Variants in SH3KBP1 observed in about 807,000 individuals in gnomAD.
SH3KBP1 encodes SH3 domain-containing kinase-binding protein 1.
Under a neutral mutation model 50.1 loss-of-function variants are expected in SH3KBP1, and 8 were observed. The ratio of observed to expected loss-of-function variants is 0.16; its 90% CI spans 0.09 to 0.29. SH3KBP1 has a LOEUF of 0.29. SH3KBP1 is among the 10% of genes least tolerant of loss of function. SH3KBP1 has a pLI of 1.00. For synonymous variants in SH3KBP1, 227 were observed against 218.6 expected (o/e 1.04, Z -0.34); for missense variants, 377 against 535.2 (o/e 0.70, Z 2.92).
At chrX:19,566,285 G>A (rs1231383381) in intron 13 of SH3KBP1, among the ~76,000 whole-genome samples, 1 of 108,056 alleles carries the variant, frequency 9.3e-6, no homozygotes, top group Non-Finnish European at 1.9e-5. Flanking sequence ...AGCATGAAAA[G>A]CTTCTATAGG....
chrX:19,776,536 T>C (rs1234245242), intron 2 of SH3KBP1, among the ~76,000 whole-genome samples: 1 of 77,069 alleles, frequency 1.3e-5, no homozygotes, highest in South Asian at 7.2e-4. Flanking sequence ...AACCTGGTTT[T>C]TTTTTTTTTT....
At chrX:19,731,715 A>C (rs1026918338) in intron 3 of SH3KBP1, among the ~76,000 whole-genome samples, 2 of 112,207 alleles carry the variant, frequency 1.8e-5, no homozygotes, top group Non-Finnish European at 3.8e-5. Context: ...CTTGTTTTTC[A>C]AAAGGATTAG....
At chrX:19,542,232 ATT>A (rs780379647) in intron 15 of SH3KBP1, 39 bp from the exon 16 acceptor site, 5 of 1,126,914 alleles carry the variant, frequency 4.4e-6, no homozygotes, top group Non-Finnish European at 5.9e-6. Flanking sequence ...AGGGCCGGGG[ATT>A]TGTGTGCTGC....
intron 8 of SH3KBP1, among the ~76,000 whole-genome samples, chrX:19,629,246 C>G (rs2061525171): frequency 9.0e-6 from 1 of 111,108 alleles, no homozygotes; most frequent in South Asian, 3.9e-4. Flanking sequence ...ACCTGCAGAA[C>G]AGCCACATGG....
chrX:19,622,789 T>C (rs754146251), intron 8 of SH3KBP1, among the ~76,000 whole-genome samples: 13 of 112,316 alleles, frequency 1.2e-4, no homozygotes, highest in Non-Finnish European at 2.1e-4. Context: ...ACGCCTGTAA[T>C]CCCAGCACTT....
intron 10 of SH3KBP1, 86 bp from the exon 11 acceptor site, chrX:19,592,233 G>T: frequency 1.3e-6 from 1 of 787,529 alleles, no homozygotes; most frequent in Non-Finnish European, 1.9e-6. Flanking sequence ...TTATCAGGTA[G>T]AGCAAAGTCA....
chrX:19,727,942 T>C (rs1221297631), intron 3 of SH3KBP1, among the ~76,000 whole-genome samples: 1 of 111,813 alleles, frequency 8.9e-6, no homozygotes, highest in African/African-American at 3.3e-5. Flanking sequence ...ACCACTGCAC[T>C]CCAGCCTGGA....
intron 9 of SH3KBP1, chrX:19,601,690 AC>A (rs2067095472): frequency 9.1e-6 from 1 of 110,113 alleles, no homozygotes; most frequent in African/African-American, 3.3e-5. Flanking sequence ...TGATTAGGGC[AC>A]CCCTTTGCAG....
intron 2 of SH3KBP1, among the ~76,000 whole-genome samples, chrX:19,804,371 G>A (rs977527193): frequency 3.6e-5 from 4 of 110,649 alleles, no homozygotes; most frequent in Non-Finnish European, 5.7e-5. Flanking sequence ...AGGTCAGCAA[G>A]CTAACCATTA....
chrX:19,722,569 GGTGT>G (rs55675573), intron 3 of SH3KBP1, among the ~76,000 whole-genome samples: 10,249 of 84,045 alleles, frequency 0.12, 544 homozygotes, highest in Admixed American at 0.18. Flanking sequence ...CGTGCGCACT[GGTGT>G]GTGTGTGTGT....
At chrX:19,872,252 C>CAA (rs67033348) in intron 1 of SH3KBP1, among the ~76,000 whole-genome samples, 6 of 37,951 alleles carry the variant, frequency 1.6e-4, no homozygotes, top group Admixed American at 4.0e-4. Flanking sequence ...AACTTCATCT[C>CAA]AAAAAAAAAA....
chrX:19,887,204 G>A (rs1223926896), intron 1 of SH3KBP1, 103 bp downstream of exon 1: 4 of 739,182 alleles, frequency 5.4e-6, no homozygotes, highest in Admixed American at 1.2e-4. Flanking sequence ...TCCCCCGTCC[G>A]GACCCTGCCC....
intron 4 of SH3KBP1, among the ~76,000 whole-genome samples, chrX:19,699,895 C>A (rs1020756093): frequency 9.0e-6 from 1 of 111,702 alleles, no homozygotes; most frequent in Non-Finnish European, 1.9e-5. Context: ...CTATTTATCA[C>A]CCCTGAAGTT....
intron 2 of SH3KBP1, among the ~76,000 whole-genome samples, chrX:19,782,983 C>T (rs1050462397): frequency 1.8e-5 from 2 of 111,717 alleles, no homozygotes; most frequent in African/African-American, 6.5e-5. Context: ...AGCGTGGTGG[C>T]GCGTGCACAG....
chrX:19,638,082 CA>C (rs2061752810), intron 7 of SH3KBP1, among the ~76,000 whole-genome samples: 1 of 102,073 alleles, frequency 9.8e-6, no homozygotes, highest in African/African-American at 3.7e-5. Context: ...ATCTCCAAAA[CA>C]AAACAAAACA....
intron 2 of SH3KBP1, among the ~76,000 whole-genome samples, chrX:19,777,912 T>C (rs1248243962): frequency 9.0e-6 from 1 of 111,016 alleles, no homozygotes; most frequent in Admixed American, 9.6e-5. Flanking sequence ...TTCTAACGTA[T>C]GCTCTGGTGT....
rs2147482515 is a variant in SH3KBP1, at chrX:19,536,558, C to G, written c.1957-100G>C. ...ACCCGGTCGACTGAAAGAAAACAAT[C>G]AATCTGACAATTTTAAAGGTGACAT... is the stretch of plus-strand genomic sequence containing the variant. On this transcript the variant is annotated intron_variant, in intron 17 of 17. Coordinates refer to ENST00000397821, the MANE Select transcript of SH3KBP1 (RefSeq NM_031892.3). The G allele has an allele frequency of 2.0e-5, 10 of 506,711 alleles. No individual in the cohort carries two copies. The South Asian group carries it at 3.8e-4, about 19-fold the overall frequency. The allele number at this position is 506,711 out of a possible 1,213,427, so 41.8% of individuals were successfully genotyped here.
At chrX:19,885,145 T>G (rs1030744891) in intron 1 of SH3KBP1, among the ~76,000 whole-genome samples, 3 of 110,668 alleles carry the variant, frequency 2.7e-5, no homozygotes, top group Non-Finnish European at 5.7e-5. Flanking sequence ...TGCATCAAAT[T>G]GATAAACTGG....
At chrX:19,754,632 C>G (rs1159971839) in intron 2 of SH3KBP1, among the ~76,000 whole-genome samples, 1 of 111,519 alleles carries the variant, frequency 9.0e-6, no homozygotes, top group African/African-American at 3.3e-5. Flanking sequence ...CAACATCCAG[C>G]TAATTTTTGT....
Sources: allele counts gnomAD v4.1 joint callset (sites outside exome capture counted in the v4.1 genomes callset), GRCh38; gene constraint gnomAD v4.1.1; transcripts MANE v1.5; gene names NCBI Gene and HGNC (gene_info 2026-07-23, HGNC 2026-07-21).